NARS2: variants seen among roughly 807,000 people sequenced by gnomAD.
The protein encoded by NARS2 is asparaginyl-tRNA synthetase.
Under a neutral mutation model 62.9 loss-of-function variants are expected in NARS2, and 60 were observed. That is an observed-to-expected ratio of 0.95 (90% CI 0.77 to 1.18). The LOEUF is 1.18. Among genes scored for constraint, NARS2 ranks in the 50% most tolerant of loss-of-function variants. NARS2 has a pLI of 0.00. For missense variants in NARS2, 619 were observed against 576.4 expected, an observed-to-expected ratio of 1.07 and a Z score of -0.76; for synonymous variants, 196 against 200.0, an observed-to-expected ratio of 0.98 and a Z score of 0.17.
intron 11 of NARS2, among the ~76,000 whole-genome samples, chr11:78,453,118 CAGA>C (rs1160341132): frequency 1.3e-5 from 2 of 152,214 alleles, no homozygotes; most frequent in Admixed American, 6.5e-5. Context: ...TTGAACTAAG[CAGA>C]AGGAGTTTAG....
intron 6 of NARS2, among the ~76,000 whole-genome samples, chr11:78,498,009 C>G (rs1378071780): frequency 3.3e-5 from 5 of 152,100 alleles, no homozygotes; most frequent in African/African-American, 4.8e-5. Context: ...TTGACAGAGT[C>G]TGACAACAAT....
intron 5 of NARS2, among the ~76,000 whole-genome samples, chr11:78,539,113 G>T (rs1050415091): frequency 6.7e-6 from 1 of 149,346 alleles, no homozygotes; most frequent in Non-Finnish European, 1.5e-5. Flanking sequence ...TAAGATCACA[G>T]AGCAGCCACT....
intron 10 of NARS2, 32 bp from the exon 11 acceptor site, chr11:78,466,045 G>A: frequency 6.4e-7 from 1 of 1,551,722 alleles, no homozygotes; most frequent in Non-Finnish European, 8.7e-7. Flanking sequence ...GACCAAAAGA[G>A]GAGACAGAGG....
intron 5 of NARS2, among the ~76,000 whole-genome samples, chr11:78,550,985 G>C (rs1168955726): frequency 1.3e-5 from 2 of 152,154 alleles, no homozygotes; most frequent in Non-Finnish European, 2.9e-5. Context: ...ACCATACATT[G>C]TACGATTCCA....
At chr11:78,469,441 C>A (rs1343070632) in intron 9 of NARS2, 128 bp from the exon 10 acceptor site, 2 of 667,764 alleles carry the variant, frequency 3.0e-6, no homozygotes, top group Non-Finnish European at 5.4e-6. Context: ...GGAATTAAGG[C>A]TGATCTAATC....
intron 4 of NARS2, among the ~76,000 whole-genome samples, chr11:78,564,023 C>T (rs1041273491): frequency 6.8e-6 from 1 of 147,548 alleles, no homozygotes; most frequent in Non-Finnish European, 1.5e-5. Context: ...CTCAGCCTCC[C>T]GAGTAGCTGG....
intron 7 of NARS2, among the ~76,000 whole-genome samples, chr11:78,482,670 C>T (rs928553838): frequency 6.6e-5 from 10 of 152,200 alleles, no homozygotes; most frequent in Admixed American, 4.6e-4. Flanking sequence ...TGGACATATA[C>T]GCCCTCCCAA....
chr11:78,488,050 A>G (rs1397890427), intron 7 of NARS2, among the ~76,000 whole-genome samples: 2 of 152,228 alleles, frequency 1.3e-5, no homozygotes, highest in Admixed American at 6.5e-5. Context: ...GTAGGTAAAT[A>G]CAACAGATGT....
intron 10 of NARS2, 59 bp from the exon 11 acceptor site, chr11:78,466,072 G>T: frequency 6.6e-7 from 1 of 1,509,940 alleles, no homozygotes; most frequent in Non-Finnish European, 8.9e-7. Context: ...ATACAATTAA[G>T]CAGCTGAAAA....
intron 6 of NARS2, among the ~76,000 whole-genome samples, chr11:78,526,326 A>C (rs1044480252): frequency 6.6e-6 from 1 of 152,170 alleles, no homozygotes; most frequent in African/African-American, 2.4e-5. Flanking sequence ...AAAGCAACAG[A>C]GATATCCTTT....
intron 7 of NARS2, among the ~76,000 whole-genome samples, chr11:78,492,036 A>G (rs938389770): frequency 6.6e-6 from 1 of 151,922 alleles, no homozygotes; most frequent in African/African-American, 2.4e-5. Context: ...ATAATTTAAC[A>G]GTTAACAATT....
intron 7 of NARS2, among the ~76,000 whole-genome samples, chr11:78,492,650 T>C (rs1859876355): frequency 6.6e-6 from 1 of 152,224 alleles, no homozygotes. Context: ...TATATAATTA[T>C]AAAGATGTTT....
At chr11:78,459,146 C>T (rs557633201) in intron 11 of NARS2, among the ~76,000 whole-genome samples, 2 of 151,694 alleles carry the variant, frequency 1.3e-5, no homozygotes, top group African/African-American at 4.8e-5. Context: ...AACTCCTGAC[C>T]TCAGGTGATC....
At chr11:78,444,574 C>A (rs1381108396) in intron 11 of NARS2, among the ~76,000 whole-genome samples, 4 of 151,930 alleles carry the variant, frequency 2.6e-5, no homozygotes, top group Non-Finnish European at 2.9e-5. Flanking sequence ...AAAAAATTAA[C>A]TGGGCTTGGT....
chr11:78,477,651 T>TTAATGTCTAAATCA (rs1859159280), intron 9 of NARS2, among the ~76,000 whole-genome samples: 1 of 152,316 alleles, frequency 6.6e-6, no homozygotes, highest in East Asian at 1.9e-4. Flanking sequence ...TTGGATGAAA[T>TTAATGTCTAAATCA]TAATGTCTAA....
At chr11:78,479,283 T>A (rs1859245243) in intron 7 of NARS2, among the ~76,000 whole-genome samples, 3 of 152,032 alleles carry the variant, frequency 2.0e-5, no homozygotes, top group African/African-American at 7.2e-5. Flanking sequence ...CAAAAATCAG[T>A]ATATAAGAAC....
chr11:78,466,314 A>G (rs1277406487), intron 10 of NARS2, among the ~76,000 whole-genome samples: 1 of 150,210 alleles, frequency 6.7e-6, no homozygotes, highest in African/African-American at 2.5e-5. Context: ...CAGGAAAACA[A>G]AGTCTACTTT....
intron 6 of NARS2, among the ~76,000 whole-genome samples, chr11:78,509,950 T>C (rs1391958991): frequency 1.3e-5 from 2 of 151,978 alleles, no homozygotes; most frequent in African/African-American, 2.4e-5. Flanking sequence ...CAATGTACTC[T>C]CCATGGTAAC....
intron 6 of NARS2, among the ~76,000 whole-genome samples, chr11:78,512,848 C>T (rs180724257): frequency 1.4e-4 from 22 of 152,112 alleles, no homozygotes; most frequent in Non-Finnish European, 2.9e-4. Context: ...ATATTGTGTA[C>T]AGGCACTCAA....
Sources: allele counts gnomAD v4.1 joint callset (sites outside exome capture counted in the v4.1 genomes callset), GRCh38; gene constraint gnomAD v4.1.1; transcripts MANE v1.5; gene names NCBI Gene and HGNC (gene_info 2026-07-23, HGNC 2026-07-21).